The following RAB38 variants were observed in gnomAD, a reference collection of about 807,000 sequenced individuals.
The protein encoded by RAB38 is RAB38, member RAS oncogene family.
RAB38 carries 15 observed loss-of-function variants against 18.4 expected under a neutral mutation model. The ratio of observed to expected loss-of-function variants is 0.82; its 90% confidence interval spans 0.55 to 1.26. The LOEUF is 1.26. Ranked by LOEUF, RAB38 falls within the 50% of genes most tolerant of loss-of-function variation. The pLI is 0.00. For missense variants in RAB38, 294 were observed against 267.4 expected, an observed-to-expected ratio of 1.10 and a Z score of -0.69; for synonymous variants, 101 against 104.4, an observed-to-expected ratio of 0.97 and a Z score of 0.20.
the RAB38 span, among the ~76,000 whole-genome samples, chr11:88,024,057 A>G: frequency 6.6e-6 from 1 of 152,158 alleles, no homozygotes; most frequent in Non-Finnish European, 1.5e-5. Flanking sequence ...GATCACATCA[A>G]CCTAAAAAGC....
At chr11:87,886,824 G>GTTTTTTTTTTTTTTTTTTTTTTTTTTTTT in the RAB38 span, among the ~76,000 whole-genome samples, 1 of 139,024 alleles carries the variant, frequency 7.2e-6, no homozygotes. Context: ...TGAAGCACTT[G>GTTTTTTTTTTTTTTTTTTTTTTTTTTTTT]TTTTTTTTTT....
the RAB38 span, among the ~76,000 whole-genome samples, chr11:88,011,695 T>C: frequency 1.3e-5 from 2 of 152,182 alleles, no homozygotes; most frequent in African/African-American, 4.8e-5. Context: ...CTAAGTCTTT[T>C]TTATAAATTA....
intron 1 of RAB38, among the ~76,000 whole-genome samples, chr11:88,159,262 C>T (rs953960362): frequency 1.3e-5 from 2 of 149,908 alleles, no homozygotes; most frequent in Non-Finnish European, 3.0e-5. Flanking sequence ...CCTAGGAATA[C>T]ATCTAACCAA....
the RAB38 span, among the ~76,000 whole-genome samples, chr11:87,920,768 A>G: frequency 1.3e-5 from 2 of 151,946 alleles, no homozygotes; most frequent in African/African-American, 4.8e-5. Flanking sequence ...ATTGTAGTCT[A>G]TTTCTCCCTT....
At chr11:87,890,925 A>T in the RAB38 span, among the ~76,000 whole-genome samples, 1 of 151,970 alleles carries the variant, frequency 6.6e-6, no homozygotes, top group East Asian at 2.0e-4. Context: ...AAATATTCGT[A>T]AGAATGTCAA....
the RAB38 span, among the ~76,000 whole-genome samples, chr11:88,057,433 T>C: frequency 3.9e-5 from 6 of 151,948 alleles, no homozygotes; most frequent in African/African-American, 1.5e-4. Flanking sequence ...AAATGCTTGA[T>C]TTTCCTGGGC....
intron 2 of RAB38, among the ~76,000 whole-genome samples, chr11:88,147,817 C>CG (rs1431545234): frequency 1.3e-5 from 2 of 151,968 alleles, no homozygotes; most frequent in African/African-American, 2.4e-5. Context: ...CACTTGAATC[C>CG]GGGGGGTGGA....
At chr11:87,819,171 C>T in the RAB38 span, among the ~76,000 whole-genome samples, 1 of 152,124 alleles carries the variant, frequency 6.6e-6, no homozygotes, top group South Asian at 2.1e-4. Flanking sequence ...TGTATCTAGT[C>T]TTTTAGGACA....
chr11:87,964,253 G>A, the RAB38 span, among the ~76,000 whole-genome samples: 1 of 152,080 alleles, frequency 6.6e-6, no homozygotes, highest in Admixed American at 6.6e-5. Context: ...TTGCATTCGT[G>A]ATCAGTCAGC....
intron 1 of RAB38, among the ~76,000 whole-genome samples, chr11:88,163,327 C>T (rs1402192296): frequency 6.6e-6 from 1 of 152,084 alleles, no homozygotes; most frequent in East Asian, 1.9e-4. Flanking sequence ...TTCTTATTTG[C>T]AAGAGGGAAC....
chr11:88,083,887 T>C, the RAB38 span, among the ~76,000 whole-genome samples: 1 of 151,958 alleles, frequency 6.6e-6, no homozygotes, highest in African/African-American at 2.4e-5. Context: ...TGAACTTCTA[T>C]TATTTATGAA....
At chr11:88,069,435 C>T in the RAB38 span, among the ~76,000 whole-genome samples, 2 of 152,250 alleles carry the variant, frequency 1.3e-5, no homozygotes, top group Non-Finnish European at 2.9e-5. Context: ...AGTGCAGGCA[C>T]ATGGCACATG....
the RAB38 span, among the ~76,000 whole-genome samples, chr11:88,051,742 A>G: frequency 6.6e-6 from 1 of 152,186 alleles, no homozygotes; most frequent in Non-Finnish European, 1.5e-5. Context: ...GAATTTTGAA[A>G]CCTTTTGAAA....
At chr11:88,071,243 GACACAC>G in the RAB38 span, among the ~76,000 whole-genome samples, 37 of 148,524 alleles carry the variant, frequency 2.5e-4, no homozygotes, top group East Asian at 4.0e-4. Flanking sequence ...ACTGGGGGAG[GACACAC>G]ACACACACAC....
the RAB38 span, among the ~76,000 whole-genome samples, chr11:87,970,961 G>A: frequency 2.0e-5 from 3 of 152,038 alleles, no homozygotes; most frequent in Non-Finnish European, 4.4e-5. Context: ...TGTCACTCTA[G>A]AGCTCTGGGA....
chr11:88,113,771 C>T lies in RAB38; in HGVS notation c.*217G>A. On this transcript the variant is annotated 3_prime_UTR_variant, in exon 3 of 3. Transcript: ENST00000243662. ...CTACATGACAGAAGTTTGTAACAGA[C>T]TAAATATTTTCAAAAGTTTGTAAAC... 1.7e-6 allele frequency: 1 copy of T among 580,858 alleles called. No individual in the cohort carries two copies. The highest frequency in any genetic ancestry group is 2.9e-6 in the Non-Finnish European group (1 of 344,242). 36.0% of individuals were successfully genotyped at this position (580,858 alleles called of 1,614,324 possible).
chr11:87,944,730 C>T, the RAB38 span, among the ~76,000 whole-genome samples: 17 of 152,116 alleles, frequency 1.1e-4, no homozygotes, highest in Non-Finnish European at 1.6e-4. Context: ...TTTCTGGGTC[C>T]CCAGTTTCTA....
chr11:88,149,603 A>G, intron 2 of RAB38, 72 bp downstream of exon 2: 1 of 1,467,734 alleles, frequency 6.8e-7, no homozygotes, highest in Admixed American at 2.0e-5. Context: ...CATTATGATG[A>G]TGGTGATGAT....
chr11:88,085,637 T>TGG, the RAB38 span, among the ~76,000 whole-genome samples: 1 of 151,902 alleles, frequency 6.6e-6, no homozygotes, highest in Non-Finnish European at 1.5e-5. Flanking sequence ...GATTACTTGT[T>TGG]TAAAAAAAGA....
Sources: allele counts gnomAD v4.1 joint callset (sites outside exome capture counted in the v4.1 genomes callset), GRCh38; gene constraint gnomAD v4.1.1; transcripts MANE v1.5; gene names NCBI Gene and HGNC (gene_info 2026-07-23, HGNC 2026-07-21).